Variants in GON4L observed in about 807,000 individuals in gnomAD.
GON4L encodes the protein GON-4-like protein.
In GON4L, 87 loss-of-function variants were observed where a neutral mutation model predicts 211.8. The observed-to-expected ratio is 0.41, with a 90% CI of 0.35 to 0.49. The LOEUF is 0.49. GON4L is among the 20% of genes least tolerant of loss of function. The probability of loss-of-function intolerance (pLI) is 0.15; values close to 1 mark genes in which losing one functional copy is unlikely to be tolerated. For synonymous variants in GON4L, 875 were observed against 962.6 expected (o/e 0.91, Z 1.68); for missense variants, 2,155 against 2,659.5 (o/e 0.81, Z 4.17).
chr1:155,767,179 A>G (rs996602584), intron 20 of GON4L: 1 of 950,356 alleles, frequency 1.1e-6, no homozygotes, highest in African/African-American at 1.7e-5. Flanking sequence ...ACCACATTCT[A>G]ATTATACACT....
chr1:155,845,556 A>T (rs1276200015), intron 2 of GON4L: 2 of 297,370 alleles, frequency 6.7e-6, no homozygotes, highest in African/African-American at 4.4e-5. Context: ...TTTAATGAAG[A>T]TGACAAAGAT....
intron 18 of GON4L, 97 bp from the exon 19 acceptor site, chr1:155,771,314 T>C (rs1177635715): frequency 1.9e-6 from 3 of 1,551,094 alleles, no homozygotes; most frequent in African/African-American, 2.7e-5. Flanking sequence ...CTTTCATTTT[T>C]TTCTTGAGAC....
Position 155,765,907 on chromosome 1 carries a change from G to T in GON4L, c.3566C>A (p.Ser1189Tyr). ...PITTLLVNPT[S>Y]FPCPLNQSLV... Reference sequence around the variant, plus strand: ...GGACTGGTTCAATGGACAGGGGAAGGAAGTAGGGTTAACCAAGAGGGTAGT... The same window carrying T: ...GGACTGGTTCAATGGACAGGGGAAGTAAGTAGGGTTAACCAAGAGGGTAGT... Residue 1189 changes from serine (S) to tyrosine (Y), a missense_variant, in exon 21 of 32, where the codon TCC (serine) becomes TAC (tyrosine). Around this residue, in one of 6 missense-constraint regions of GON4L, gnomAD observed 615 missense variants for 625.7 expected, o/e 0.98. Transcript: ENST00000368331. 1 of 1,614,182 alleles carries T rather than the reference G, an allele frequency of 6.2e-7. No homozygotes were observed. The highest frequency in any genetic ancestry group is 8.5e-7 in the Non-Finnish European group (1 of 1,180,040).
chr1:155,797,136 G>C (rs996881384), intron 11 of GON4L, among the ~76,000 whole-genome samples: 1 of 151,200 alleles, frequency 6.6e-6, no homozygotes, highest in African/African-American at 2.4e-5. Context: ...TTTTTTTAAG[G>C]TGGAGTCTCG....
At position 155,822,157 on chromosome 1, in the gene GON4L, T is replaced by C. The variant is rs115182265; in HGVS notation, c.888+129A>G. The C allele has an allele frequency of 1.3e-3, 1,010 of 786,614 alleles. 8 individuals are homozygous for C. In the African/African-American group the frequency reaches 0.016, roughly 12 times the overall value. The allele number at this position is 786,614 out of a possible 1,614,324, so 48.7% of individuals were successfully genotyped here. On this transcript the variant is annotated intron_variant, in intron 4 of 31. Transcript: ENST00000368331. ...ATCTTAAATATGTAAAAATGTAAAA[T>C]GTTCTGTCACGGGTAACCCACAAAA...
intron 4 of GON4L, 128 bp from the exon 5 acceptor site, chr1:155,821,676 T>C (rs1668756258): frequency 4.3e-6 from 3 of 689,714 alleles, no homozygotes; most frequent in Middle Eastern, 2.5e-4. Context: ...AGCATCAGAC[T>C]GGGGTAAAGC....
chr1:155,803,965 C>T (rs1276023953), intron 11 of GON4L, among the ~76,000 whole-genome samples: 1 of 152,200 alleles, frequency 6.6e-6, no homozygotes, highest in Non-Finnish European at 1.5e-5. Flanking sequence ...CTACACTTCC[C>T]AAAGTCTGGT....
chr1:155,833,044 C>T (rs1437994061), intron 2 of GON4L: 1 of 149,808 alleles, frequency 6.7e-6, no homozygotes, highest in Non-Finnish European at 1.5e-5. Context: ...CTTGTATATA[C>T]AACTAATTAA....
chr1:155,856,317 T>G (rs1672274556), intron 1 of GON4L, among the ~76,000 whole-genome samples: 1 of 152,084 alleles, frequency 6.6e-6, no homozygotes. Context: ...AGCCTCAGAC[T>G]CCTGGGCTCC....
chr1:155,777,516 T>C, intron 15 of GON4L, 106 bp downstream of exon 15: 2 of 866,942 alleles, frequency 2.3e-6, no homozygotes, highest in Non-Finnish European at 2.0e-6. Context: ...AAAGCAGAGG[T>C]TGAAGTGAGC....
In GON4L at chr1:155,824,931, C is replaced by A. The variant is rs139339549; in HGVS notation, c.697+1906G>T. 3.1e-3 allele frequency among the ~76,000 whole-genome samples: 474 copies of A among 151,550 alleles called. 2 individuals carry two copies. Among genetic ancestry groups the A allele is most frequent in the Non-Finnish European group, 4.7e-3 (319 of 67,886 alleles). On this transcript the variant is annotated intron_variant, in intron 3 of 31. Transcript: ENST00000368331. ...TTTGAGAGATCAAGGAGGGACTGCT[C>A]GAGCCCAGAAATACAAAACCAGCCT... is the stretch of plus-strand genomic sequence containing the variant.
intron 10 of GON4L, among the ~76,000 whole-genome samples, chr1:155,808,796 G>A (rs1667408204): frequency 6.6e-6 from 1 of 151,882 alleles, no homozygotes; most frequent in Admixed American, 6.6e-5. Context: ...TTTTTTGGTA[G>A]GGACAAGGTC....
At chr1:155,835,078 C>T (rs891691443) in intron 2 of GON4L, among the ~76,000 whole-genome samples, 7 of 152,116 alleles carry the variant, frequency 4.6e-5, no homozygotes, top group Non-Finnish European at 8.8e-5. Context: ...GGATGGTTGC[C>T]GTGTCTGTGT....
intron 12 of GON4L, among the ~76,000 whole-genome samples, chr1:155,788,316 T>C (rs1014533441): frequency 1.3e-5 from 2 of 152,144 alleles, no homozygotes; most frequent in Non-Finnish European, 2.9e-5. Context: ...AAAATCCAAA[T>C]GTTACTGAGG....
upstream of GON4L, chr1:155,859,233 T>G (rs1672496815): frequency 1.3e-5 from 2 of 153,278 alleles, no homozygotes; most frequent in African/African-American, 4.8e-5. Flanking sequence ...CGAGAACATT[T>G]TGCTGCTGTA....
chr1:155,849,996 A>AC (rs1671632735), intron 2 of GON4L, among the ~76,000 whole-genome samples: 1 of 150,380 alleles, frequency 6.6e-6, no homozygotes, highest in African/African-American at 2.4e-5. Context: ...TAAAAAAAAA[A>AC]AAAAAGAATA....
At chr1:155,758,195 C>T (rs1661392636) in intron 24 of GON4L, among the ~76,000 whole-genome samples, 161 bp from the exon 25 acceptor site, 1 of 151,150 alleles carries the variant, frequency 6.6e-6, no homozygotes, top group Admixed American at 6.6e-5. Flanking sequence ...AAAACCCTAA[C>T]CTCCATCCAC....
chr1:155,811,444 T>C (rs1005220500), intron 10 of GON4L, among the ~76,000 whole-genome samples: 4 of 138,524 alleles, frequency 2.9e-5, no homozygotes, highest in African/African-American at 1.1e-4. Flanking sequence ...GATGCTAATA[T>C]TAGTGTGAGA....
At chr1:155,833,767 GA>G in intron 2 of GON4L, among the ~76,000 whole-genome samples, 1 of 135,288 alleles carries the variant, frequency 7.4e-6, no homozygotes, top group African/African-American at 2.7e-5. Context: ...AGGAAGGGAG[GA>G]GGGGAGGAGG....
Sources: gnomAD v4.1 joint callset for allele counts (sites outside exome capture counted in the v4.1 genomes callset) on GRCh38, gnomAD v4.1.1 for gene constraint, gnomAD v4.1.1 regional missense constraint, MANE v1.5 for transcripts, NCBI Gene and HGNC (gene_info 2026-07-23, HGNC 2026-07-21) for gene names.